Variants in CHMP3 observed in about 807,000 individuals in gnomAD.
The protein encoded by CHMP3 is 25.1 protein.
A neutral mutation model predicts 27.4 loss-of-function variants in CHMP3; 8 were observed. That is an observed-to-expected ratio of 0.29 (90% confidence interval 0.17 to 0.53). The LOEUF is 0.53. CHMP3 is among the 20% of genes least tolerant of loss of function. The pLI, the probability that CHMP3 is intolerant of heterozygous loss-of-function variation, is 0.96. For missense variants in CHMP3, 208 were observed against 271.5 expected, an observed-to-expected ratio of 0.77 and a Z score of 1.64; for synonymous variants, 86 against 85.5, an observed-to-expected ratio of 1.01 and a Z score of -0.03.
At chr2:86,539,393 CAG>C (rs1388304255) in intron 2 of CHMP3, among the ~76,000 whole-genome samples, 1 of 152,084 alleles carries the variant, frequency 6.6e-6, no homozygotes, top group Non-Finnish European at 1.5e-5. Flanking sequence ...CAGGTGATAT[CAG>C]AGTTTAAACC....
At chr2:86,539,798 C>T (rs967364857) in intron 2 of CHMP3, among the ~76,000 whole-genome samples, 5 of 151,982 alleles carry the variant, frequency 3.3e-5, no homozygotes, top group African/African-American at 1.2e-4. Flanking sequence ...ACATATTTAC[C>T]ATTTCCAGCA....
At chr2:86,515,552 C>T (rs1178967779) in intron 3 of CHMP3, among the ~76,000 whole-genome samples, 2 of 151,976 alleles carry the variant, frequency 1.3e-5, no homozygotes, top group African/African-American at 4.8e-5. Flanking sequence ...AACTCCTGAC[C>T]TCAGGTGATC....
intron 3 of CHMP3, chr2:86,512,643 T>A (rs1286126551): frequency 6.6e-6 from 1 of 152,164 alleles, no homozygotes; most frequent in African/African-American, 2.4e-5. Flanking sequence ...AAAGGACTGC[T>A]ATCCACAACA....
intron 1 of CHMP3, chr2:86,561,925 C>T (rs891776528): frequency 6.6e-6 from 1 of 152,230 alleles, no homozygotes; most frequent in African/African-American, 2.4e-5. Flanking sequence ...CAAGGCCAAA[C>T]ACTGAAGACA....
chr2:86,529,934 G>A (rs1287091826), intron 2 of CHMP3, among the ~76,000 whole-genome samples: 1 of 151,982 alleles, frequency 6.6e-6, no homozygotes, highest in Non-Finnish European at 1.5e-5. Flanking sequence ...TACAATCAGT[G>A]GAATAAAGTA....
rs1410552764 is a variant in CHMP3, at chr2:86,529,273, C to T, written c.231G>A (p.Leu77=). 6.2e-7 allele frequency: 1 copy of T among 1,613,556 alleles called. No homozygotes were observed. The highest frequency in any genetic ancestry group is 8.5e-7 in the Non-Finnish European group (1 of 1,179,794). ...AGTTCATGTGTGCTTTGGATGCATA[C>T]AGCTTGCTCACAGCCTTCCTTGACC... ...MIRSRKAVSK[L]YASKAHMNSV... Residue 77 remains leucine, a synonymous_variant, in exon 3 of 6, where the codon CTG becomes CTA. Transcript: ENST00000263856.
chr2:86,505,886 G>T lies in CHMP3; in HGVS notation c.587C>A (p.Ala196Glu). The T allele has an allele frequency of 1.3e-6, 2 of 1,596,910 alleles. No individual in the cohort carries two copies. Among genetic ancestry groups the T allele is most frequent in the Non-Finnish European group, 1.7e-6 (2 of 1,170,692 alleles). ...CTCCTCATCCTCTGAGGCAGCCATC[G>T]CTCCTGGAGGTTCTGGCTCTGGAAG... ...DALPEPEPPG[A>E]MAASEDEEEE... Residue 196 changes from alanine (A) to glutamate (E), a missense_variant, in exon 6 of 6, where the codon GCG becomes GAG. Coordinates refer to ENST00000263856, the MANE Select transcript of CHMP3 (RefSeq NM_016079.4).
rs749788579 is a variant in CHMP3, at chr2:86,563,286, C to T, written c.45+18G>A. 2 of 1,613,550 alleles carry T rather than the reference C, an allele frequency of 1.2e-6. No homozygotes were observed. Among genetic ancestry groups the T allele is most frequent in the Middle Eastern group, 1.6e-4 (1 of 6,062 alleles). On this transcript the variant is annotated intron_variant, in intron 1 of 5. Coordinates refer to ENST00000263856, the MANE Select transcript of CHMP3 (RefSeq NM_016079.4). ...CACACAGATCCACCCGCTTATCTGC[C>T]GCCGCCGTAGCCCTTACCAGTTCTT...
intron 2 of CHMP3, among the ~76,000 whole-genome samples, chr2:86,541,618 A>G (rs967699516): frequency 2.6e-5 from 4 of 152,060 alleles, no homozygotes; most frequent in Non-Finnish European, 4.4e-5. Flanking sequence ...CAGCTGCCCA[A>G]TGTTTGAAAA....
intron 2 of CHMP3, 76 bp from the exon 3 acceptor site, chr2:86,529,473 C>A: frequency 7.6e-7 from 1 of 1,318,874 alleles, no homozygotes; most frequent in South Asian, 1.8e-5. Flanking sequence ...TTATTGTGAT[C>A]TAAATGTATC....
chr2:86,550,368 G>A (rs987978682), intron 1 of CHMP3, among the ~76,000 whole-genome samples: 5 of 151,878 alleles, frequency 3.3e-5, no homozygotes, highest in Non-Finnish European at 5.9e-5. Flanking sequence ...AGAGGGAGAC[G>A]GAGACGGAGA....
chr2:86,554,819 G>A (rs935299057), intron 1 of CHMP3, among the ~76,000 whole-genome samples: 38 of 126,016 alleles, frequency 3.0e-4, no homozygotes, highest in East Asian at 2.1e-3. Context: ...GTGCGCGCGT[G>A]TGTGTGTGTG....
At chr2:86,555,089 C>A (rs1196216734) in intron 1 of CHMP3, among the ~76,000 whole-genome samples, 1 of 152,122 alleles carries the variant, frequency 6.6e-6, no homozygotes, top group Non-Finnish European at 1.5e-5. Context: ...CTCAAGTGAT[C>A]TGCTCGCCCC....
At chr2:86,542,127 C>T (rs143733293) in intron 2 of CHMP3, 125 bp downstream of exon 2, 21,517 of 952,602 alleles carry the variant, frequency 0.023, 336 homozygotes, top group South Asian at 0.036. Context: ...ATCAGTCAGA[C>T]AGCTATAAAT....
At chr2:86,549,980 G>A (rs1489518069) in intron 1 of CHMP3, among the ~76,000 whole-genome samples, 3 of 152,240 alleles carry the variant, frequency 2.0e-5, no homozygotes, top group African/African-American at 7.2e-5. Flanking sequence ...CGGGGTGGCG[G>A]CCGGGCAGAG....
At chr2:86,528,399 T>A (rs1486265910) in intron 3 of CHMP3, among the ~76,000 whole-genome samples, 1 of 152,162 alleles carries the variant, frequency 6.6e-6, no homozygotes, top group Non-Finnish European at 1.5e-5. Context: ...ACAGGTGTAA[T>A]CAGAGCTCAC....
intron 2 of CHMP3, among the ~76,000 whole-genome samples, chr2:86,535,386 G>T (rs576865762): frequency 5.3e-4 from 80 of 151,764 alleles, no homozygotes; most frequent in Non-Finnish European, 2.9e-5. Context: ...GTGTTTACTT[G>T]ATTTTTTTGG....
Position 86,529,282 on chromosome 2 carries a change from C to G in CHMP3, c.222G>C (p.Val74=). ...GTGCTTTGGATGCATACAGCTTGCT[C>G]ACAGCCTTCCTTGACCTGATCATCT... ...AKEMIRSRKA[V]SKLYASKAHM... is the part of the protein sequence containing the mutation. Residue 74 remains valine, a synonymous_variant, in exon 3 of 6, where the codon GTG becomes GTC. Transcript: ENST00000263856. The G allele has an allele frequency of 6.2e-7, 1 of 1,613,682 alleles. No homozygotes were observed. Among genetic ancestry groups the G allele is most frequent in the Non-Finnish European group, 8.5e-7 (1 of 1,179,824 alleles).
At chr2:86,554,816 CGTGTGTGTGTGTGTGTGTGT>C (rs70956121) in intron 1 of CHMP3, among the ~76,000 whole-genome samples, 1 of 145,384 alleles carries the variant, frequency 6.9e-6, no homozygotes, top group Non-Finnish European at 1.5e-5. Context: ...TGTGTGCGCG[CGTGTGTGTGTGTGTGTGTGT>C]GTGTGTGTGT....
Sources: gnomAD v4.1 joint callset for allele counts (sites outside exome capture counted in the v4.1 genomes callset) on GRCh38, gnomAD v4.1.1 for gene constraint, MANE v1.5 for transcripts, NCBI Gene and HGNC (gene_info 2026-07-23, HGNC 2026-07-21) for gene names.